The following RAB2A variants were observed in gnomAD, a reference collection of about 807,000 sequenced individuals.
RAB2A encodes the protein RAB2A, member RAS oncogene family.
Under a neutral mutation model 32.5 loss-of-function variants are expected in RAB2A, and 7 were observed. The ratio of observed to expected loss-of-function variants is 0.22; its 90% CI spans 0.12 to 0.40. The LOEUF (loss-of-function observed/expected upper bound fraction) is 0.40, where lower values mean the gene tolerates loss of function less well. Among genes scored for constraint, RAB2A ranks in the 10% least tolerant of loss-of-function variants. RAB2A has a pLI of 1.00. For missense variants in RAB2A, 108 were observed against 260.7 expected, an observed-to-expected ratio of 0.41 and a Z score of 4.03; for synonymous variants, 79 against 85.2, an observed-to-expected ratio of 0.93 and a Z score of 0.40.
intron 2 of RAB2A, among the ~76,000 whole-genome samples, chr8:60,561,947 A>T (rs1006011174): frequency 6.6e-6 from 1 of 152,178 alleles, no homozygotes; most frequent in African/African-American, 2.4e-5. Context: ...TCCTGAGCTC[A>T]TGATTCTTCT....
chr8:60,597,645 G>A (rs1301562635), intron 6 of RAB2A, among the ~76,000 whole-genome samples: 1 of 151,744 alleles, frequency 6.6e-6, no homozygotes, highest in Non-Finnish European at 1.5e-5. Context: ...AGAACCCAAA[G>A]CAAAATAAAC....
At chr8:60,549,358 C>CT (rs1807806620) in intron 1 of RAB2A, among the ~76,000 whole-genome samples, 1 of 152,218 alleles carries the variant, frequency 6.6e-6, no homozygotes, top group Non-Finnish European at 1.5e-5. Flanking sequence ...CCATTGAGCA[C>CT]TGAGTGAACG....
rs972363705 is a variant in RAB2A at position 60,623,428 on chromosome 8, C to T, written c.*2659C>T. ...TTATTCTGTCATAGATAGTAAAGCC[C>T]CATCTCAGTTTATTTAGTCCTGAGG... On this transcript the variant is annotated 3_prime_UTR_variant, in exon 8 of 8. Coordinates refer to ENST00000262646, the MANE Select transcript of RAB2A (RefSeq NM_002865.3). 2 of 152,100 alleles carry T rather than the reference C, an allele frequency of 1.3e-5. No individual in the cohort carries two copies. The highest frequency in any genetic ancestry group is 2.9e-5 in the Non-Finnish European group (2 of 68,010). The allele number at this position is 152,100 out of a possible 1,614,324, so 9.4% of individuals were successfully genotyped here.
chr8:60,612,924 TAC>T (rs1804378910), intron 6 of RAB2A, among the ~76,000 whole-genome samples: 1 of 152,134 alleles, frequency 6.6e-6, no homozygotes, highest in African/African-American at 2.4e-5. Flanking sequence ...TGCCTTGAAA[TAC>T]AGTTTAAAAG....
intron 2 of RAB2A, among the ~76,000 whole-genome samples, chr8:60,566,334 G>A (rs967306692): frequency 6.6e-6 from 1 of 151,906 alleles, no homozygotes; most frequent in Non-Finnish European, 1.5e-5. Flanking sequence ...TTACTTTTTC[G>A]TTCTTTTTTA....
chr8:60,560,454 A>G (rs112960780), intron 2 of RAB2A, among the ~76,000 whole-genome samples: 31 of 152,232 alleles, frequency 2.0e-4, no homozygotes, highest in Non-Finnish European at 3.4e-4. Flanking sequence ...GTTTGAAACT[A>G]GCCAACTTTA....
At chr8:60,533,234 T>C (rs1182369155) in intron 1 of RAB2A, among the ~76,000 whole-genome samples, 5 of 152,204 alleles carry the variant, frequency 3.3e-5, no homozygotes, top group African/African-American at 1.2e-4. Flanking sequence ...AGTGAAAGTA[T>C]AGTGTATGGA....
chr8:60,566,005 G>A (rs1057055709), intron 2 of RAB2A, among the ~76,000 whole-genome samples: 1 of 152,136 alleles, frequency 6.6e-6, no homozygotes, highest in Non-Finnish European at 1.5e-5. Context: ...GAGCCACCAT[G>A]CCTGGCCCTC....
chr8:60,535,908 C>T (rs1219595753), intron 1 of RAB2A, among the ~76,000 whole-genome samples: 1 of 152,128 alleles, frequency 6.6e-6, no homozygotes, highest in Non-Finnish European at 1.5e-5. Context: ...CAGTCTAGGA[C>T]ACCTGTCTCC....
chr8:60,528,766 T>C (rs1293716851), intron 1 of RAB2A, among the ~76,000 whole-genome samples: 1 of 152,146 alleles, frequency 6.6e-6, no homozygotes, highest in Non-Finnish European at 1.5e-5. Flanking sequence ...AGAGATGAGG[T>C]CTCACTATGT....
chr8:60,521,207 T>C (rs1332419154), intron 1 of RAB2A, among the ~76,000 whole-genome samples: 1 of 152,192 alleles, frequency 6.6e-6, no homozygotes, highest in Non-Finnish European at 1.5e-5. Flanking sequence ...ATTTATTTAA[T>C]AGTTAAGTGG....
intron 1 of RAB2A, among the ~76,000 whole-genome samples, chr8:60,541,126 C>A (rs1431148785): frequency 1.3e-5 from 2 of 152,184 alleles, no homozygotes; most frequent in East Asian, 1.9e-4. Context: ...GGTATTCTTT[C>A]TCTGTCATCT....
At chr8:60,615,436 T>TTA (rs888741723) in intron 6 of RAB2A, among the ~76,000 whole-genome samples, 1 of 152,118 alleles carries the variant, frequency 6.6e-6, no homozygotes, top group African/African-American at 2.4e-5. Context: ...TTTTTGTACA[T>TTA]TATATATATA....
intron 3 of RAB2A, chr8:60,576,139 C>T: frequency 4.5e-6 from 2 of 444,864 alleles, no homozygotes; most frequent in Middle Eastern, 8.0e-4. Context: ...CTATCAGTGC[C>T]TCCCTTTAAG....
intron 6 of RAB2A, among the ~76,000 whole-genome samples, chr8:60,615,108 C>G (rs1804426533): frequency 6.6e-6 from 1 of 152,150 alleles, no homozygotes; most frequent in South Asian, 2.1e-4. Flanking sequence ...TTAGTTTTGC[C>G]TACTGCTTGT....
chr8:60,595,851 G>A (rs1804013359), intron 6 of RAB2A, among the ~76,000 whole-genome samples: 1 of 152,106 alleles, frequency 6.6e-6, no homozygotes, highest in Non-Finnish European at 1.5e-5. Flanking sequence ...AACCTCAATA[G>A]ATTTTAAAGT....
At chr8:60,567,434 G>A (rs1808132450) in intron 2 of RAB2A, among the ~76,000 whole-genome samples, 2 of 152,044 alleles carry the variant, frequency 1.3e-5, no homozygotes, top group Admixed American at 6.6e-5. Context: ...CAACTTTGTA[G>A]TGTACTTCAT....
At chr8:60,540,563 T>TCTG (rs1807625109) in intron 1 of RAB2A, among the ~76,000 whole-genome samples, 1 of 152,240 alleles carries the variant, frequency 6.6e-6, no homozygotes, top group African/African-American at 2.4e-5. Context: ...CACTGCAACT[T>TCTG]CTGCCTCACA....
At chr8:60,576,348 C>G (rs995758746) in intron 3 of RAB2A, 1 of 443,072 alleles carries the variant, frequency 2.3e-6, no homozygotes, top group African/African-American at 2.0e-5. Context: ...TTGTTCTGCT[C>G]TTGTTCTTTT....
Sources: allele counts gnomAD v4.1 joint callset (sites outside exome capture counted in the v4.1 genomes callset), GRCh38; gene constraint gnomAD v4.1.1; transcripts MANE v1.5; gene names NCBI Gene and HGNC (gene_info 2026-07-23, HGNC 2026-07-21).